The following SYNE1 variants were observed in gnomAD, a reference collection of about 807,000 sequenced individuals.
SYNE1 encodes spectrin repeat containing nuclear envelope protein 1.
Under a neutral mutation model 1,111.0 loss-of-function variants are expected in SYNE1, and 616 were observed. The observed-to-expected ratio is 0.55, with a 90% CI of 0.52 to 0.59. The LOEUF (loss-of-function observed/expected upper bound fraction) is 0.59. Among genes scored for constraint, SYNE1 ranks in the 20% least tolerant of loss-of-function variants. SYNE1 has a pLI of 0.00. For missense variants in SYNE1, 10,006 were observed against 10,417.0 expected (o/e 0.96, Z 1.72); for synonymous variants, 3,855 against 3,825.8 (o/e 1.01, Z -0.28).
chr6:152,590,190 A>G (rs1442365441), intron 3 of SYNE1, among the ~76,000 whole-genome samples: 2 of 151,346 alleles, frequency 1.3e-5, no homozygotes, highest in Non-Finnish European at 2.9e-5. Flanking sequence ...TGGCCTTCCA[A>G]AAGTGCTGGG....
intron 74 of SYNE1, among the ~76,000 whole-genome samples, chr6:152,340,635 A>C (rs1042309915): frequency 6.6e-6 from 1 of 152,212 alleles, no homozygotes. Flanking sequence ...TGGATTATGT[A>C]AAGCAGACTC....
intron 41 of SYNE1, among the ~76,000 whole-genome samples, chr6:152,414,670 T>C (rs1029110874): frequency 6.6e-6 from 1 of 152,150 alleles, no homozygotes; most frequent in Non-Finnish European, 1.5e-5. Flanking sequence ...CTGCACCCGA[T>C]GTGTGACTTT....
At chr6:152,314,490 T>G (rs2095648084) in intron 87 of SYNE1, among the ~76,000 whole-genome samples, 1 of 152,124 alleles carries the variant, frequency 6.6e-6, no homozygotes, top group African/African-American at 2.4e-5. Context: ...TTGAGCACAC[T>G]CCTGTGGGCT....
chr6:152,393,956 C>G (rs558045169), intron 51 of SYNE1, among the ~76,000 whole-genome samples: 4 of 152,198 alleles, frequency 2.6e-5, no homozygotes, highest in Non-Finnish European at 5.9e-5. Context: ...AGGTATTTCT[C>G]TTAATGCTAT....
At chr6:152,135,754 T>G (rs1037144397) in intron 141 of SYNE1, among the ~76,000 whole-genome samples, 50 of 152,220 alleles carry the variant, frequency 3.3e-4, no homozygotes, top group African/African-American at 1.2e-3. Context: ...ACTATTATAT[T>G]ACTCTTGGGG....
intron 91 of SYNE1, among the ~76,000 whole-genome samples, chr6:152,306,477 C>T (rs1389801539): frequency 7.6e-6 from 1 of 131,530 alleles, no homozygotes; most frequent in Non-Finnish European, 1.6e-5. Context: ...CAGAGCGAGA[C>T]TCCATCTAAA....
chr6:152,532,873 A>G (rs7756085), intron 4 of SYNE1, among the ~76,000 whole-genome samples: 15,357 of 152,068 alleles, frequency 0.1, 2,668 homozygotes, highest in African/African-American at 0.35. Context: ...CTGGGTGGGA[A>G]CAGCAAGTTA....
intron 18 of SYNE1, chr6:152,465,052 T>A: frequency 1.7e-6 from 1 of 603,222 alleles, no homozygotes; most frequent in South Asian, 1.9e-5. Flanking sequence ...TTGCTGCCCA[T>A]TGGATTTACT....
At chr6:152,265,499 C>T (rs553873886) in intron 100 of SYNE1, among the ~76,000 whole-genome samples, 4 of 152,028 alleles carry the variant, frequency 2.6e-5, no homozygotes, top group Non-Finnish European at 5.9e-5. Flanking sequence ...TTTGAAGTTC[C>T]TATGAGGTTA....
At chr6:152,300,522 G>T in intron 93 of SYNE1, 119 bp downstream of exon 93, 1 of 1,404,802 alleles carries the variant, frequency 7.1e-7, no homozygotes, top group South Asian at 1.2e-5. Flanking sequence ...CTAATAGTGT[G>T]TCCCTGGAAC....
In SYNE1 at chr6:152,122,259, C is replaced by A; in HGVS notation, c.*177G>T. 1.1e-6 allele frequency: 1 copy of A among 925,548 alleles called. No individual in the cohort carries two copies. The highest frequency in any genetic ancestry group is 2.5e-5 in the East Asian group (1 of 39,370). 57.3% of individuals were successfully genotyped at this position (925,548 alleles called of 1,614,324 possible). ...TTGTTGTCTGTTTGTTCCCCCGTCACTGTTTATCTTCCACCTCTGAAGCCA... is the reference window on the plus strand; with the variant it reads ...TTGTTGTCTGTTTGTTCCCCCGTCAATGTTTATCTTCCACCTCTGAAGCCA... On this transcript the variant is annotated 3_prime_UTR_variant, in exon 146 of 146. Transcript: ENST00000367255.
chr6:152,224,657 T>A lies in SYNE1; in HGVS notation c.21359A>T (p.Gln7120Leu). The A allele has an allele frequency of 6.2e-7, 1 of 1,613,894 alleles. No individual in the cohort carries two copies. Among genetic ancestry groups the A allele is most frequent in the Non-Finnish European group, 8.5e-7 (1 of 1,179,912 alleles). The change falls in exon 117 of 146, where the codon CAA becomes CTA. Residue 7120 changes from glutamine to leucine, a missense_variant. Gln to Leu is a moderately radical substitution (Grantham distance 113, BLOSUM62 -2). Transcript: ENST00000367255. Reference protein sequence around the residue: ...TWANLDHMVGQLKILLKSVLD... With the variant: ...TWANLDHMVGLLKILLKSVLD... ...CACTGATTTCAGCAGTATCTTTAAT[T>A]GTCCAACCTTTTGAAAAAGACAAAT...
At chr6:152,578,121 T>G (rs998664487) in intron 3 of SYNE1, among the ~76,000 whole-genome samples, 4 of 152,224 alleles carry the variant, frequency 2.6e-5, no homozygotes, top group African/African-American at 9.6e-5. Context: ...ATTTTTCTTT[T>G]GTTAAATTCA....
At chr6:152,428,179 G>A (rs760867190) in intron 37 of SYNE1, 26 bp downstream of exon 37, 3 of 1,611,260 alleles carry the variant, frequency 1.9e-6, no homozygotes, top group Middle Eastern at 3.3e-4. Context: ...TAGTAGTGCA[G>A]CAACTCAAGG....
chr6:152,140,215 A>G, intron 139 of SYNE1, 54 bp from the exon 140 acceptor site: 1 of 1,581,180 alleles, frequency 6.3e-7, no homozygotes, highest in Admixed American at 1.7e-5. Context: ...TGTGATGTTT[A>G]TGAAATGCTT....
intron 3 of SYNE1, among the ~76,000 whole-genome samples, chr6:152,607,054 G>A (rs1437716353): frequency 7.8e-6 from 1 of 128,240 alleles, no homozygotes; most frequent in African/African-American, 3.1e-5. Flanking sequence ...GTGCAATCTC[G>A]TCTCACTGCA....
chr6:152,180,455 G>C (rs553920664), intron 128 of SYNE1, among the ~76,000 whole-genome samples, 161 bp from the exon 129 acceptor site: 18 of 152,202 alleles, frequency 1.2e-4, no homozygotes, highest in Non-Finnish European at 2.4e-4. Context: ...TAAAGTGGGA[G>C]ACATTGAATC....
chr6:152,427,549 C>G (rs938954728), intron 38 of SYNE1, 144 bp downstream of exon 38: 2 of 968,180 alleles, frequency 2.1e-6, no homozygotes, highest in Non-Finnish European at 3.1e-6. Flanking sequence ...CTTTTTGGAA[C>G]ACCCTGATGT....
At chr6:152,513,371 A>G (rs1171969654) in intron 6 of SYNE1, among the ~76,000 whole-genome samples, 2 of 152,004 alleles carry the variant, frequency 1.3e-5, no homozygotes, top group African/African-American at 4.8e-5. Context: ...TTTTTAGATT[A>G]GTCTCACTCT....
Sources: allele counts gnomAD v4.1 joint callset (sites outside exome capture counted in the v4.1 genomes callset), GRCh38; gene constraint gnomAD v4.1.1; transcripts MANE v1.5; gene names NCBI Gene and HGNC (gene_info 2026-07-23, HGNC 2026-07-21).